BTK: variants seen among roughly 807,000 people sequenced by gnomAD.
BTK encodes Bruton tyrosine kinase, also known as tyrosine-protein kinase BTK.
BTK carries 5 observed loss-of-function variants against 57.4 expected under a neutral mutation model. The ratio of observed to expected loss-of-function variants is 0.09; its 90% confidence interval spans 0.05 to 0.18. The LOEUF (loss-of-function observed/expected upper bound fraction) is 0.18. Ranked by LOEUF, BTK falls within the 10% of genes least tolerant of loss-of-function variation. The pLI, the probability that BTK is intolerant of heterozygous loss-of-function variation, is 1.00. For synonymous variants in BTK, 154 were observed against 174.3 expected, an observed-to-expected ratio of 0.88 and a Z score of 0.92; for missense variants, 194 against 501.2, an observed-to-expected ratio of 0.39 and a Z score of 5.85.
At chrX:101,356,631 T>G (rs1926493814) in intron 14 of BTK, 153 bp downstream of exon 14, 1 of 613,727 alleles carries the variant, frequency 1.6e-6, no homozygotes, top group East Asian at 3.4e-5. Flanking sequence ...ACTATTATCT[T>G]AGCACTTAGG....
chrX:101,354,070 G>A (rs1334153447), intron 16 of BTK, 82 bp from the exon 17 acceptor site: 4 of 699,040 alleles, frequency 5.7e-6, no homozygotes, highest in Non-Finnish European at 9.3e-6. Flanking sequence ...TCACAAGAGT[G>A]TCACAAACAC....
rs1927035885 is a variant in BTK, at chrX:101,371,625, T to C, written c.309+8A>G. On this transcript the variant is annotated splice_region_variant and intron_variant, in intron 4 of 18. Coordinates refer to ENST00000308731, the MANE Select transcript of BTK (RefSeq NM_000061.3). ...CCTTTCGAGATTTGGTGAGAGAAAA[T>C]AACTCACCTGGAAGGGATAAGGGAA... The C allele has an allele frequency of 1.7e-6, 2 of 1,205,319 alleles. No individual in the cohort carries two copies. Among genetic ancestry groups the C allele is most frequent in the Non-Finnish European group, 2.2e-6 (2 of 891,157 alleles).
At position 101,382,258 on chromosome X, in the gene BTK, T is replaced by C. The variant is rs782713803; in HGVS notation, c.-31+3804A>G. On this transcript the variant is annotated intron_variant, in intron 1 of 18. Transcript: ENST00000308731. ...GCTGACCAGGGAAACTCTCCTGCTG[T>C]AGTCATTTACAGGAGGCCTTAGGGC... Among the ~76,000 whole-genome samples, 149 of 110,727 alleles carry C rather than the reference T, an allele frequency of 1.3e-3. 1 individual carries two copies. The highest frequency in any genetic ancestry group is 4.6e-3 in the Middle Eastern group (1 of 216).
intron 18 of BTK, 133 bp from the exon 19 acceptor site, chrX:101,350,089 GAA>G (rs199950200): frequency 0.018 from 5,814 of 321,654 alleles, no homozygotes; most frequent in Middle Eastern, 0.026. Flanking sequence ...ATTACAAAAG[GAA>G]AAAAAAAAAA....
intron 1 of BTK, among the ~76,000 whole-genome samples, chrX:101,384,507 G>T (rs190114890): frequency 0.01 from 1,123 of 110,738 alleles, 18 homozygotes; most frequent in African/African-American, 0.035. Context: ...TGAGGCAGGA[G>T]AATTGTTTGA....
At chrX:101,364,750 T>G (rs1569293972) in intron 5 of BTK, among the ~76,000 whole-genome samples, 1 of 110,038 alleles carries the variant, frequency 9.1e-6, no homozygotes, top group Non-Finnish European at 1.9e-5. Flanking sequence ...AGAGGGAATT[T>G]TTTTTTTTTG....
intron 14 of BTK, 71 bp from the exon 15 acceptor site, chrX:101,356,339 A>G: frequency 1.1e-6 from 1 of 941,392 alleles, no homozygotes; most frequent in Non-Finnish European, 1.5e-6. Context: ...GCTGGGGAGG[A>G]AGGGGCTGAC....
rs3208812 is a variant in BTK, at chrX:101,353,922, C to T, written c.1698G>A (p.Pro566=). The change falls in exon 17 of 19, where the codon CCG becomes CCA. Residue 566 remains proline (P), a synonymous_variant. Transcript: ENST00000308731. ...GSKFPVRWSP[P]EVLMYSKFSS... is the part of the protein sequence containing the mutation. ...TGAACTTGCTATACATCAGGACTTC[C>T]GGTGGGGACCACCGGACTGGAAATT... 94 of 1,210,378 alleles carry T rather than the reference C, an allele frequency of 7.8e-5. 1 individual carries two copies. The highest frequency in any genetic ancestry group is 7.0e-4 in the African/African-American group (40 of 57,433).
intron 3 of BTK, among the ~76,000 whole-genome samples, chrX:101,373,162 C>T (rs1927091399): frequency 9.1e-6 from 1 of 110,342 alleles, no homozygotes; most frequent in African/African-American, 3.3e-5. Flanking sequence ...TCATACATAG[C>T]TTGTAGGTGT....
chrX:101,379,191 A>G (rs1264911977), intron 1 of BTK, among the ~76,000 whole-genome samples: 3 of 105,994 alleles, frequency 2.8e-5, no homozygotes, highest in African/African-American at 1.0e-4. Context: ...AAAAAAAAAA[A>G]AGAAGAAGAA....
At chrX:101,350,102 A>G in intron 18 of BTK, 146 bp from the exon 19 acceptor site, 1 of 464,618 alleles carries the variant, frequency 2.2e-6, no homozygotes, top group Non-Finnish European at 3.7e-6. Context: ...AAAAAAAAAA[A>G]AAAGAAATAG....
intron 7 of BTK, 27 bp from the exon 8 acceptor site, chrX:101,360,782 G>T (rs782487064): frequency 1.7e-6 from 2 of 1,195,290 alleles, no homozygotes; most frequent in East Asian, 5.9e-5. Flanking sequence ...AAAGGTAGGA[G>T]GGTTTGTCAA....
In BTK at chrX:101,375,183, C is replaced by A; in HGVS notation, c.102G>T (p.Val34=). ...NFKKRLFLLT[V]HKLSYYEYDF... Reference sequence around the variant, plus strand: ...CATACTCATAGTAGGAGAGTTTGTGCACGGTCAAGAGAAACAGGCGCTTCT... The same window carrying A: ...CATACTCATAGTAGGAGAGTTTGTGAACGGTCAAGAGAAACAGGCGCTTCT... The change falls in exon 2 of 19, where the codon GTG becomes GTT. Residue 34 remains valine, a synonymous_variant. Transcript: ENST00000308731. The A allele has an allele frequency of 8.3e-7, 1 of 1,211,578 alleles. No homozygotes were observed. The highest frequency in any genetic ancestry group is 1.1e-6 in the Non-Finnish European group (1 of 895,390).
At chrX:101,380,156 G>C (rs1927364792) in intron 1 of BTK, among the ~76,000 whole-genome samples, 1 of 111,361 alleles carries the variant, frequency 9.0e-6, no homozygotes, top group African/African-American at 3.3e-5. Context: ...ACCCAGGATG[G>C]AGTGCAGTAG....
intron 12 of BTK, 134 bp downstream of exon 12, chrX:101,358,176 C>G (rs1555978103): frequency 1.0e-6 from 1 of 990,257 alleles, no homozygotes; most frequent in South Asian, 1.9e-5. Flanking sequence ...CCAGCTTCTA[C>G]CCAGTATCAC....
At chrX:101,371,740 A>G (rs1161324830) in intron 3 of BTK, 39 bp from the exon 4 acceptor site, 11 of 1,091,588 alleles carry the variant, frequency 1.0e-5, no homozygotes, top group East Asian at 3.0e-5. Flanking sequence ...TGGTTGATGC[A>G]TTGCTCTTTT....
intron 1 of BTK, among the ~76,000 whole-genome samples, chrX:101,384,336 G>A (rs193147828): frequency 9.8e-5 from 11 of 112,168 alleles, no homozygotes; most frequent in African/African-American, 3.2e-4. Flanking sequence ...GGTGGCTCAC[G>A]CCTGTAATCC....
intron 1 of BTK, among the ~76,000 whole-genome samples, chrX:101,379,506 G>A (rs1177055206): frequency 8.9e-6 from 1 of 112,328 alleles, no homozygotes; most frequent in Non-Finnish European, 1.9e-5. Context: ...AACAGATGAG[G>A]AAACTGACAC....
chrX:101,367,905 C>G (rs12848641), intron 5 of BTK, among the ~76,000 whole-genome samples: 11,221 of 111,047 alleles, frequency 0.1, 605 homozygotes, highest in Middle Eastern at 0.16. Context: ...ACTACTGATC[C>G]CTTTCTGTGT....
Sources: gnomAD v4.1 joint callset for allele counts (sites outside exome capture counted in the v4.1 genomes callset) on GRCh38, gnomAD v4.1.1 for gene constraint, MANE v1.5 for transcripts, NCBI Gene and HGNC (gene_info 2026-07-23, HGNC 2026-07-21) for gene names.